JMY: variants seen among roughly 807,000 people sequenced by gnomAD.
The protein encoded by JMY is junction mediating and regulatory protein, p53 cofactor.
JMY carries 46 observed loss-of-function variants against 103.3 expected under a neutral mutation model. The ratio of observed to expected loss-of-function variants is 0.45; its 90% confidence interval spans 0.35 to 0.57. The LOEUF (loss-of-function observed/expected upper bound fraction) is 0.57. Ranked by LOEUF, JMY falls within the 20% of genes least tolerant of loss-of-function variation. JMY has a pLI of 0.00. For synonymous variants in JMY, 526 were observed against 489.3 expected (o/e 1.07, Z -0.99); for missense variants, 1,238 against 1,255.2 (o/e 0.99, Z 0.21).
At chr5:79,261,977 C>G (rs1240041161) in intron 1 of JMY, among the ~76,000 whole-genome samples, 1 of 152,222 alleles carries the variant, frequency 6.6e-6, no homozygotes, top group Non-Finnish European at 1.5e-5. Flanking sequence ...TTTCTAAAAT[C>G]CTACAAGAGA....
chr5:79,236,194 G>T lies in JMY; in HGVS notation c.-457G>T. 1 of 154,364 alleles carries T rather than the reference G, an allele frequency of 6.5e-6. No individual in the cohort carries two copies. 9.6% of individuals were successfully genotyped at this position (154,364 alleles called of 1,614,324 possible). ...GTTTAGGAGACGGGTTCATCAGTCA[G>T]GCCGGCTCCGGGCTTTCTGCAGCAG... is the stretch of plus-strand genomic sequence containing the variant. On this transcript the variant is annotated 5_prime_UTR_variant, in exon 1 of 11. In the 5' UTR this introduces an upstream ATG that the reference lacks. Transcript: ENST00000396137.
intron 2 of JMY, among the ~76,000 whole-genome samples, chr5:79,287,462 A>G (rs1262791475): frequency 1.3e-5 from 2 of 152,186 alleles, no homozygotes; most frequent in Non-Finnish European, 2.9e-5. Flanking sequence ...ACCTTTGGAC[A>G]GATGTTACAG....
At chr5:79,241,816 A>G (rs1744751929) in intron 1 of JMY, among the ~76,000 whole-genome samples, 1 of 152,212 alleles carries the variant, frequency 6.6e-6, no homozygotes, top group African/African-American at 2.4e-5. Context: ...AGCAGTATTT[A>G]TACAGTAGAC....
At chr5:79,256,182 G>GC (rs982888251) in intron 1 of JMY, among the ~76,000 whole-genome samples, 13 of 152,200 alleles carry the variant, frequency 8.5e-5, no homozygotes, top group Non-Finnish European at 1.9e-4. Context: ...CTTCCCAGTG[G>GC]CAGAGGAACC....
In JMY at chr5:79,300,803, C is replaced by G; in HGVS notation, c.1821C>G (p.Arg607=). 3 of 1,610,248 alleles carry G rather than the reference C, an allele frequency of 1.9e-6. No individual in the cohort carries two copies. The highest frequency in any genetic ancestry group is 2.5e-6 in the Non-Finnish European group (3 of 1,178,662). ...TGCAGAAACTTCAGCAGAAAGCACGCCAGCTGGAAGCAAGACGTGGACGGG... is the reference window on the plus strand; with the variant it reads ...TGCAGAAACTTCAGCAGAAAGCACGGCAGCTGGAAGCAAGACGTGGACGGG... The part of the protein sequence containing the change: ...EELQKLQQKA[R]QLEARRGRVS... Residue 607 remains arginine (R), a synonymous_variant, in exon 6 of 11, where the codon CGC becomes CGG. Coordinates refer to ENST00000396137, the MANE Select transcript of JMY (RefSeq NM_152405.5).
rs1356317054 is a variant in JMY, at chr5:79,306,360, T to G, written c.1882-15T>G. On this transcript the variant is annotated splice_polypyrimidine_tract_variant and intron_variant, in intron 6 of 10. Transcript: ENST00000396137. Reference sequence around the variant, plus strand: ...AAGTTTCACTTGTATTAAAACACATTTTATGTATTTACAGGAAATATGTAT... The same window carrying G: ...AAGTTTCACTTGTATTAAAACACATGTTATGTATTTACAGGAAATATGTAT... The G allele has an allele frequency of 1.0e-5, 16 of 1,566,584 alleles. No homozygotes were observed. Among genetic ancestry groups the G allele is most frequent in the Non-Finnish European group, 1.4e-5 (16 of 1,138,082 alleles).
chr5:79,252,773 C>G (rs911131999), intron 1 of JMY, among the ~76,000 whole-genome samples: 50 of 152,126 alleles, frequency 3.3e-4, no homozygotes, highest in Non-Finnish European at 4.7e-4. Flanking sequence ...GCTATTCCTG[C>G]TTTGTTTCCA....
At position 79,326,939 on chromosome 5, in the gene JMY, G is replaced by C. The variant is rs2112135639; in HGVS notation, c.*5337G>C. 6.6e-6 allele frequency: 1 copy of C among 152,292 alleles called. No homozygotes were observed. The highest frequency in any genetic ancestry group is 1.9e-4 in the East Asian group (1 of 5,188). 9.4% of individuals were successfully genotyped at this position (152,292 alleles called of 1,614,324 possible). A position where few individuals can be genotyped will look rare whatever the true frequency, so the allele number is the denominator to read the frequency against. The stretch of plus-strand genomic sequence containing the variant: ...ATCCTAAAGTATTAAAAGTACAGAG[G>C]AAAAACTAAGCAAGCATTTATAGCA... On this transcript the variant is annotated 3_prime_UTR_variant, in exon 11 of 11. Transcript: ENST00000396137.
chr5:79,313,392 C>A (rs1747109926), intron 8 of JMY, among the ~76,000 whole-genome samples: 1 of 152,060 alleles, frequency 6.6e-6, no homozygotes, highest in African/African-American at 2.4e-5. Flanking sequence ...GCACTCCAGT[C>A]TGGGCAACAG....
rs74753908 is a variant in JMY at position 79,325,299 on chromosome 5, A to G, written c.*3697A>G. 2.0e-5 allele frequency: 3 copies of G among 152,138 alleles called. No individual in the cohort carries two copies. Among genetic ancestry groups the G allele is most frequent in the African/African-American group, 4.8e-5 (2 of 41,440 alleles). The allele number at this position is 152,138 out of a possible 1,614,324, so 9.4% of individuals were successfully genotyped here. A position where few individuals can be genotyped will look rare whatever the true frequency, so the allele number is the denominator to read the frequency against. Reference sequence around the variant, plus strand: ...CAGATACCAATGTGTAAAAAGTACTATTGGGTCCTTAAGGGCTCTATCAGG... The same window carrying G: ...CAGATACCAATGTGTAAAAAGTACTGTTGGGTCCTTAAGGGCTCTATCAGG... On this transcript the variant is annotated 3_prime_UTR_variant, in exon 11 of 11. Coordinates refer to ENST00000396137, the MANE Select transcript of JMY (RefSeq NM_152405.5).
At chr5:79,265,201 G>A (rs1049995090) in intron 1 of JMY, among the ~76,000 whole-genome samples, 2 of 152,224 alleles carry the variant, frequency 1.3e-5, no homozygotes, top group African/African-American at 2.4e-5. Flanking sequence ...TGGGATTACA[G>A]GCGTGAGCTA....
chr5:79,305,384 G>A (rs574291168), intron 6 of JMY, among the ~76,000 whole-genome samples: 12 of 152,098 alleles, frequency 7.9e-5, no homozygotes, highest in African/African-American at 2.4e-4. Context: ...CCTGGGAGGC[G>A]GAGGTTGCAG....
chr5:79,314,277 A>G lies in JMY; in HGVS notation c.2085A>G (p.Ile695Met). The G allele has an allele frequency of 3.7e-6, 6 of 1,612,444 alleles. No individual in the cohort carries two copies. The highest frequency in any genetic ancestry group is 5.1e-6 in the Non-Finnish European group (6 of 1,179,340). The change falls in exon 9 of 11, where the codon ATA becomes ATG. Residue 695 changes from isoleucine to methionine, a missense_variant. Physicochemically the swap from Ile to Met is conservative, Grantham distance 10. Transcript: ENST00000396137. ...TFKQRYPGQV[I>M]LKSTRLRLAH... is the part of the protein sequence containing the mutation. ...TTTAGAGGTATCCTGGGCAAGTCAT[A>G]CTTAAATCAACCAGATTACGACTAG...
intron 2 of JMY, among the ~76,000 whole-genome samples, chr5:79,286,874 A>T (rs1746285390): frequency 6.6e-6 from 1 of 152,236 alleles, no homozygotes. Context: ...TGTTAACCAG[A>T]TAATTGAGAA....
At chr5:79,265,281 A>G (rs1194916851) in intron 1 of JMY, among the ~76,000 whole-genome samples, 1 of 152,230 alleles carries the variant, frequency 6.6e-6, no homozygotes, top group Non-Finnish European at 1.5e-5. Context: ...TAGATAAGTA[A>G]ATTGACTACA....
At chr5:79,268,654 AT>A (rs1445913908) in intron 1 of JMY, among the ~76,000 whole-genome samples, 1 of 151,710 alleles carries the variant, frequency 6.6e-6, no homozygotes, top group Non-Finnish European at 1.5e-5. Flanking sequence ...TGCCCGGCTA[AT>A]TTTTTTATAC....
chr5:79,296,013 T>C (rs931693741), intron 4 of JMY, among the ~76,000 whole-genome samples: 13 of 152,202 alleles, frequency 8.5e-5, no homozygotes, highest in African/African-American at 2.4e-4. Context: ...TTCTCAAACA[T>C]AACCTTTTAT....
At chr5:79,243,552 G>A (rs1016530548) in intron 1 of JMY, among the ~76,000 whole-genome samples, 2 of 152,162 alleles carry the variant, frequency 1.3e-5, no homozygotes, top group African/African-American at 4.8e-5. Flanking sequence ...AGGACATATG[G>A]GAGCTGTAGA....
At chr5:79,265,532 ACCGTCACT>A (rs531942748) in intron 1 of JMY, among the ~76,000 whole-genome samples, 203 of 152,282 alleles carry the variant, frequency 1.3e-3, no homozygotes, top group African/African-American at 4.4e-3. Context: ...GTAGCAAGGT[ACCGTCACT>A]TTGATATGGC....
Sources: gnomAD v4.1 joint callset for allele counts (sites outside exome capture counted in the v4.1 genomes callset) on GRCh38, gnomAD v4.1.1 for gene constraint, MANE v1.5 for transcripts, NCBI Gene and HGNC (gene_info 2026-07-23, HGNC 2026-07-21) for gene names.